The following ZNF732 variants were observed in gnomAD, a reference collection of about 807,000 sequenced individuals.
ZNF732 encodes zinc finger protein LOC654254.
Under a neutral mutation model 11.5 loss-of-function variants are expected in ZNF732, and 12 were observed. That is an observed-to-expected ratio of 1.05 (90% CI 0.67 to 1.70). The LOEUF is 1.70. Ranked by LOEUF, ZNF732 falls within the 40% of genes most tolerant of loss-of-function variation. ZNF732 has a pLI of 0.00. For synonymous variants in ZNF732, 231 were observed against 236.5 expected (o/e 0.98, Z 0.21); for missense variants, 702 against 676.9 (o/e 1.04, Z -0.41).
In ZNF732 at chr4:305,294, G is replaced by T; in HGVS notation, c.3+14C>A. ...GGCCTCCCCAGCCTTGGGACGCCCT[G>T]CCCCCACACTCACCATTTCCCCACT... On this transcript the variant is annotated intron_variant, in intron 1 of 3. Transcript: ENST00000419098. 6.2e-7 allele frequency: 1 copy of T among 1,606,860 alleles called. No homozygotes were observed. Among genetic ancestry groups the T allele is most frequent in the Non-Finnish European group, 8.5e-7 (1 of 1,179,480 alleles).
At position 271,366 on chromosome 4, in the gene ZNF732, A is replaced by G. The variant is rs782704448; in HGVS notation, c.1491T>C (p.Thr497=). 8 of 1,602,020 alleles carry G rather than the reference A, an allele frequency of 5.0e-6. No individual in the cohort carries two copies. Among genetic ancestry groups the G allele is most frequent in the Non-Finnish European group, 6.8e-6 (8 of 1,173,854 alleles). Reference sequence around the variant, plus strand: ...CTTCACATTCGTAAGGTTTCTCTCCAGTATGAATTGTCTTATGTTTATTCA... The same window carrying G: ...CTTCACATTCGTAAGGTTTCTCTCCGGTATGAATTGTCTTATGTTTATTCA... ...RALNKHKTIH[T]GEKPYECEEC... Residue 497 remains threonine, a synonymous_variant, in exon 4 of 4, where the codon ACT becomes ACC. Transcript: ENST00000419098.
rs782045603 is a variant in ZNF732, at chr4:271,340, T to A, written c.1517A>T (p.Glu506Val). Residue 506 changes from glutamate to valine, a missense_variant, in exon 4 of 4, where the codon GAG (glutamate) becomes GTG (valine). Physicochemically the swap from Glu to Val is moderately radical, Grantham distance 121. This residue lies in a region of ZNF732 where 12 missense variants were observed against 31.5 expected (regional missense o/e 0.38). Coordinates refer to ENST00000419098, the MANE Select transcript of ZNF732 (RefSeq NM_001137608.3). ...GGACCATCCAAAGGCTTTGCCACAC[T>A]CTTCACATTCGTAAGGTTTCTCTCC... ...HTGEKPYECEECGKAFGWSTY... is the reference protein window; with the variant it reads ...HTGEKPYECEVCGKAFGWSTY... 1 of 1,603,340 alleles carries A rather than the reference T, an allele frequency of 6.2e-7. No individual in the cohort carries two copies. Among genetic ancestry groups the A allele is most frequent in the African/African-American group, 1.3e-5 (1 of 74,774 alleles).
rs1187443310 is a variant in ZNF732, at chr4:299,555, A to G, written c.4-3400T>C. On this transcript the variant is annotated intron_variant, in intron 1 of 3. Coordinates refer to ENST00000419098, the MANE Select transcript of ZNF732 (RefSeq NM_001137608.3). ...TATACATATATACACATATATATGT[A>G]TATATATAGTTTTATATATATAATT... 1.2e-4 allele frequency among the ~76,000 whole-genome samples: 16 copies of G among 136,730 alleles called. 1 individual carries two copies. The highest frequency in any genetic ancestry group is 2.1e-4 in the South Asian group (1 of 4,676). 89.7% of individuals were successfully genotyped at this position (136,730 alleles called of 152,430 possible).
At chr4:285,231 G>A (rs529029121) in intron 3 of ZNF732, among the ~76,000 whole-genome samples, 10 of 152,188 alleles carry the variant, frequency 6.6e-5, no homozygotes, top group Non-Finnish European at 1.5e-4. Context: ...GAACCCAAGA[G>A]TGAGGGTCAG....
chr4:292,890 C>CAAA (rs34118991), intron 3 of ZNF732, among the ~76,000 whole-genome samples: 1,007 of 79,470 alleles, frequency 0.013, 44 homozygotes, highest in South Asian at 0.042. Context: ...ACTAAAAACA[C>CAAA]AAAAAAAAAA....
At chr4:275,476 T>G (rs1319231766) in intron 3 of ZNF732, among the ~76,000 whole-genome samples, 1 of 151,734 alleles carries the variant, frequency 6.6e-6, no homozygotes, top group Non-Finnish European at 1.5e-5. Flanking sequence ...TCTCAGAGGC[T>G]TCACAGCTCC....
chr4:283,014 G>A (rs1407628261), intron 3 of ZNF732, among the ~76,000 whole-genome samples: 1 of 152,118 alleles, frequency 6.6e-6, no homozygotes, highest in Non-Finnish European at 1.5e-5. Flanking sequence ...TATGGTTTGA[G>A]TGCCCCCTCC....
At chr4:282,878 GAAAGA>G (rs1719645070) in intron 3 of ZNF732, among the ~76,000 whole-genome samples, 1 of 151,940 alleles carries the variant, frequency 6.6e-6, no homozygotes, top group Non-Finnish European at 1.5e-5. Flanking sequence ...AAGGCAGCAT[GAAAGA>G]AAAAACAGAA....
chr4:284,911 A>C (rs1464979897), intron 3 of ZNF732, among the ~76,000 whole-genome samples: 2 of 150,922 alleles, frequency 1.3e-5, no homozygotes, highest in African/African-American at 4.8e-5. Context: ...AAAAAGAAAC[A>C]AACAAAAAAC....
At chr4:279,560 A>G (rs549525014) in intron 3 of ZNF732, among the ~76,000 whole-genome samples, 63 of 152,298 alleles carry the variant, frequency 4.1e-4, no homozygotes, top group African/African-American at 1.5e-3. Flanking sequence ...GGACCTGAAG[A>G]GAAAAAAATG....
chr4:288,814 G>C (rs1719783320), intron 3 of ZNF732, among the ~76,000 whole-genome samples: 1 of 152,152 alleles, frequency 6.6e-6, no homozygotes, highest in African/African-American at 2.4e-5. Flanking sequence ...AGCACTTTGG[G>C]AGGCGGAAGT....
At chr4:303,542 G>A (rs902054185) in intron 1 of ZNF732, among the ~76,000 whole-genome samples, 5 of 152,218 alleles carry the variant, frequency 3.3e-5, no homozygotes, top group Admixed American at 1.3e-4. Flanking sequence ...TTTGAACTCG[G>A]GAGGTGGAGG....
chr4:291,435 A>G (rs1479891293), intron 3 of ZNF732, among the ~76,000 whole-genome samples: 2 of 152,256 alleles, frequency 1.3e-5, no homozygotes, highest in African/African-American at 4.8e-5. Context: ...AAAAAAAGAA[A>G]AAAATTCAAT....
At chr4:294,248 C>T (rs897473322) in intron 3 of ZNF732, among the ~76,000 whole-genome samples, 1 of 152,346 alleles carries the variant, frequency 6.6e-6, no homozygotes, top group East Asian at 1.9e-4. Flanking sequence ...GATCCACCCA[C>T]CTCAGCCTCC....
intron 3 of ZNF732, among the ~76,000 whole-genome samples, chr4:295,112 C>T (rs934371623): frequency 2.6e-5 from 4 of 152,184 alleles, no homozygotes; most frequent in African/African-American, 9.7e-5. Flanking sequence ...AATACACTGA[C>T]ATAGAGCTCC....
Position 295,306 on chromosome 4 carries a change from A to G in ZNF732, c.226+132T>C, listed in dbSNP as rs1399370166. On this transcript the variant is annotated intron_variant, in intron 3 of 3. Transcript: ENST00000419098. The stretch of plus-strand genomic sequence containing the variant: ...GAAGATGCCCCTATTCATGAATATG[A>G]GAAAAAAATGCAGCCTTTTCAGAAA... 2.5e-4 allele frequency: 162 copies of G among 660,462 alleles called. 1 individual carries two copies. Among genetic ancestry groups the G allele is most frequent in the Non-Finnish European group, 1.8e-4 (70 of 391,796 alleles). The allele number at this position is 660,462 out of a possible 1,614,324, so 40.9% of individuals were successfully genotyped here.
chr4:282,315 C>T (rs1453409774), intron 3 of ZNF732, among the ~76,000 whole-genome samples: 1 of 152,066 alleles, frequency 6.6e-6, no homozygotes, highest in Non-Finnish European at 1.5e-5. Flanking sequence ...AGTTCAAAAC[C>T]AGCCTGGTCA....
chr4:301,216 C>G (rs563526808), intron 1 of ZNF732, among the ~76,000 whole-genome samples: 1 of 152,104 alleles, frequency 6.6e-6, no homozygotes, highest in Non-Finnish European at 1.5e-5. Flanking sequence ...AGTCAGGAAA[C>G]GACAGGTGCT....
intron 3 of ZNF732, among the ~76,000 whole-genome samples, chr4:276,356 CAT>C (rs1719496608): frequency 6.6e-6 from 1 of 151,802 alleles, no homozygotes; most frequent in Non-Finnish European, 1.5e-5. Context: ...TGAATGCTGT[CAT>C]AGACAATAAT....
Sources: gnomAD v4.1 joint callset for allele counts (sites outside exome capture counted in the v4.1 genomes callset) on GRCh38, gnomAD v4.1.1 for gene constraint, gnomAD v4.1.1 regional missense constraint, MANE v1.5 for transcripts, NCBI Gene and HGNC (gene_info 2026-07-23, HGNC 2026-07-21) for gene names.